The following XYLB variants were observed in gnomAD, a reference collection of about 807,000 sequenced individuals.
XYLB encodes the protein xylulokinase.
A neutral mutation model predicts 78.7 loss-of-function variants in XYLB; 62 were observed. That is an observed-to-expected ratio of 0.79 (90% CI 0.64 to 0.97). The LOEUF (loss-of-function observed/expected upper bound fraction) is 0.97, where lower values mean the gene tolerates loss of function less well. Ranked by LOEUF, XYLB falls within the 50% of genes least tolerant of loss-of-function variation. The pLI, the probability that XYLB is intolerant of heterozygous loss-of-function variation, is 0.00. For synonymous variants in XYLB, 245 were observed against 247.4 expected, an observed-to-expected ratio of 0.99 and a Z score of 0.09; for missense variants, 687 against 676.8, an observed-to-expected ratio of 1.02 and a Z score of -0.17.
chr3:38,441,904 T>C, the XYLB span, among the ~76,000 whole-genome samples: 3 of 152,128 alleles, frequency 2.0e-5, no homozygotes, highest in Admixed American at 1.3e-4. Flanking sequence ...AAAGAGAGGT[T>C]TTGTCCTGTG....
intron 15 of XYLB, among the ~76,000 whole-genome samples, chr3:38,383,559 C>T: frequency 6.6e-6 from 1 of 152,114 alleles, no homozygotes; most frequent in East Asian, 1.9e-4. Context: ...GCGGGAGGAT[C>T]ACTTGAGCCC....
chr3:38,426,914 G>A, the XYLB span, among the ~76,000 whole-genome samples: 82 of 152,118 alleles, frequency 5.4e-4, 2 homozygotes, highest in Non-Finnish European at 2.9e-4. Context: ...ACCTGGCCCC[G>A]CCCGGAGCAA....
At chr3:38,427,798 G>T in the XYLB span, among the ~76,000 whole-genome samples, 1 of 152,144 alleles carries the variant, frequency 6.6e-6, no homozygotes, top group South Asian at 2.1e-4. Flanking sequence ...CATCATGTTG[G>T]GCAGGCTGGT....
At chr3:38,354,227 C>T (rs34463945) in intron 2 of XYLB, among the ~76,000 whole-genome samples, 1 of 152,014 alleles carries the variant, frequency 6.6e-6, no homozygotes. Context: ...GCGCCCGCCA[C>T]TGGCTAATTT....
chr3:38,400,913 G>T lies in XYLB; in HGVS notation c.1461G>T (p.Val487=). Residue 487 remains valine, a synonymous_variant, in exon 18 of 19, where the codon GTG becomes GTT. Transcript: ENST00000207870. ...AFHGLAGGTD[V]PFSEVVKLAP... ...TAGGTCTTGCAGGTGGAACAGATGT[G>T]CCCTTTTCAGAGGTTGTGAAGTTAG... 6.2e-7 allele frequency: 1 copy of T among 1,614,124 alleles called. No homozygotes were observed. The highest frequency in any genetic ancestry group is 8.5e-7 in the Non-Finnish European group (1 of 1,180,012).
At chr3:38,365,141 C>A in intron 4 of XYLB, 58 bp from the exon 5 acceptor site, 2 of 1,539,460 alleles carry the variant, frequency 1.3e-6, no homozygotes, top group Non-Finnish European at 1.8e-6. Flanking sequence ...TCTGTGTCTT[C>A]AGGAGGCTGT....
chr3:38,429,780 C>T, the XYLB span, among the ~76,000 whole-genome samples: 17 of 152,268 alleles, frequency 1.1e-4, no homozygotes, highest in African/African-American at 4.1e-4. Flanking sequence ...TTGTTCAATT[C>T]CCACCTATGA....
In XYLB at chr3:38,368,267, G is replaced by A. The variant is rs750170909; in HGVS notation, c.646+10G>A. 76 of 1,613,684 alleles carry A rather than the reference G, an allele frequency of 4.7e-5. No homozygotes were observed. The highest frequency in any genetic ancestry group is 2.2e-4 in the South Asian group (20 of 91,070). ...ATTGACTACAGTGATGGTGAGCCTC[G>A]GGGTATGGGGTGGGTGCCTGGGCAG... On this transcript the variant is annotated intron_variant, in intron 8 of 18. Coordinates refer to ENST00000207870, the MANE Select transcript of XYLB (RefSeq NM_005108.4).
intron 14 of XYLB, among the ~76,000 whole-genome samples, 199 bp from the exon 15 acceptor site, chr3:38,379,047 A>G (rs796362659): frequency 3.3e-5 from 5 of 152,038 alleles, no homozygotes; most frequent in African/African-American, 1.2e-4. Context: ...AGTGACATGC[A>G]TGTGAGGCTG....
intron 15 of XYLB, among the ~76,000 whole-genome samples, chr3:38,383,172 G>A (rs1707230715): frequency 1.3e-5 from 2 of 152,218 alleles, no homozygotes; most frequent in South Asian, 2.1e-4. Context: ...CAGTACCGCT[G>A]AAGTAGGTAC....
At chr3:38,369,028 G>A (rs959658718) in intron 8 of XYLB, among the ~76,000 whole-genome samples, 1 of 152,214 alleles carries the variant, frequency 6.6e-6, no homozygotes, top group Non-Finnish European at 1.5e-5. Flanking sequence ...TCTTGGATGA[G>A]CCTAAGTGTG....
chr3:38,395,605 A>G lies in XYLB; in HGVS notation c.1350+42A>G, dbSNP rs760063957. On this transcript the variant is annotated intron_variant, in intron 16 of 18. Transcript: ENST00000207870. The stretch of plus-strand genomic sequence containing the variant: ...GGCCTTACACCATGGCCTCTCCCAT[A>G]TCTGTTATGTCTAAGAGCCAGAGAC... The G allele has an allele frequency of 4.9e-5, 78 of 1,593,944 alleles. 1 individual carries two copies. Among genetic ancestry groups the G allele is most frequent in the Non-Finnish European group, 6.5e-5 (76 of 1,161,800 alleles).
chr3:38,377,170 A>AGAC (rs1464010604), intron 14 of XYLB, among the ~76,000 whole-genome samples, 179 bp downstream of exon 14: 1 of 151,902 alleles, frequency 6.6e-6, no homozygotes, highest in Non-Finnish European at 1.5e-5. Context: ...GCAGGACCTA[A>AGAC]GACAGACACG....
the XYLB span, among the ~76,000 whole-genome samples, chr3:38,443,767 G>A: frequency 6.6e-5 from 10 of 151,200 alleles, no homozygotes; most frequent in East Asian, 1.9e-3. Context: ...TGACAGGGGA[G>A]TGTATTTTCT....
chr3:38,375,117 T>G, intron 11 of XYLB, 27 bp from the exon 12 acceptor site: 1 of 1,592,824 alleles, frequency 6.3e-7, no homozygotes, highest in Non-Finnish European at 8.6e-7. Flanking sequence ...AAGCCCAAGG[T>G]GCCCACCTCT....
intron 10 of XYLB, among the ~76,000 whole-genome samples, chr3:38,373,501 C>T (rs1186512617): frequency 1.3e-5 from 2 of 152,188 alleles, no homozygotes; most frequent in Non-Finnish European, 2.9e-5. Context: ...TGGGCAGTAT[C>T]TTTCTCATTT....
the XYLB span, among the ~76,000 whole-genome samples, chr3:38,441,004 C>A: frequency 1.3e-5 from 2 of 151,908 alleles, no homozygotes; most frequent in Admixed American, 6.6e-5. Context: ...TCTCTTTCCT[C>A]TTTCTTTCTC....
chr3:38,362,501 G>A (rs1458767413), intron 3 of XYLB, among the ~76,000 whole-genome samples: 2 of 152,132 alleles, frequency 1.3e-5, no homozygotes, highest in South Asian at 4.1e-4. Flanking sequence ...GCCTCCAAAA[G>A]TGCTGGGATT....
At chr3:38,376,296 C>T in intron 13 of XYLB, 64 bp downstream of exon 13, 1 of 1,259,050 alleles carries the variant, frequency 7.9e-7, no homozygotes, top group Non-Finnish European at 1.2e-6. Flanking sequence ...AGGGGCAGAG[C>T]CTGGGGCCCC....
Sources: allele counts gnomAD v4.1 joint callset (sites outside exome capture counted in the v4.1 genomes callset), GRCh38; gene constraint gnomAD v4.1.1; transcripts MANE v1.5; gene names NCBI Gene and HGNC (gene_info 2026-07-23, HGNC 2026-07-21).